The following NELL2 variants were observed in gnomAD, a reference collection of about 807,000 sequenced individuals.
The protein encoded by NELL2 is protein kinase C-binding protein NELL2.
A neutral mutation model predicts 109.6 loss-of-function variants in NELL2; 41 were observed. That is an observed-to-expected ratio of 0.37 (90% CI 0.29 to 0.49). The LOEUF is 0.49. NELL2 is among the 20% of genes least tolerant of loss of function. The probability of loss-of-function intolerance (pLI) is 0.98; values close to 1 mark genes in which losing one functional copy is unlikely to be tolerated. For missense variants in NELL2, 900 were observed against 1,008.3 expected (o/e 0.89, Z 1.45); for synonymous variants, 355 against 344.7 (o/e 1.03, Z -0.33).
At chr12:44,617,003 G>A (rs969558702) in intron 13 of NELL2, among the ~76,000 whole-genome samples, 10 of 152,118 alleles carry the variant, frequency 6.6e-5, no homozygotes, top group African/African-American at 2.4e-4. Flanking sequence ...TACAAGCTGA[G>A]TTTAAAGAAT....
At chr12:44,721,390 C>T (rs1248003189) in intron 9 of NELL2, among the ~76,000 whole-genome samples, 1 of 152,120 alleles carries the variant, frequency 6.6e-6, no homozygotes, top group Non-Finnish European at 1.5e-5. Flanking sequence ...TGTGTCAATA[C>T]TTAAATACTA....
chr12:44,776,273 A>C, intron 7 of NELL2, 123 bp from the exon 8 acceptor site: 1 of 829,774 alleles, frequency 1.2e-6, no homozygotes, highest in Non-Finnish European at 1.8e-6. Context: ...CTTATCAACC[A>C]CTTGCCATAA....
rs1438447124 is a variant in NELL2 at position 44,618,674 on chromosome 12, C to A, written c.1445-7704G>T. Among the ~76,000 whole-genome samples, 5 of 152,144 alleles carry A rather than the reference C, an allele frequency of 3.3e-5. No individual in the cohort carries two copies. In the South Asian group the frequency reaches 8.3e-4, roughly 25 times the overall value. On this transcript the variant is annotated intron_variant, in intron 13 of 19. Coordinates refer to ENST00000429094, the MANE Select transcript of NELL2 (RefSeq NM_001145108.2). ...AGTGCAAAGATGGATAATCTGAGAT[C>A]TGTGACCCCAAGGAACTTCTTAATT...
intron 15 of NELL2, among the ~76,000 whole-genome samples, chr12:44,555,940 C>A (rs1431583428): frequency 6.6e-6 from 1 of 152,292 alleles, no homozygotes. Flanking sequence ...GGCTCACAGG[C>A]TTTAGGTACA....
intron 13 of NELL2, among the ~76,000 whole-genome samples, chr12:44,624,291 A>T (rs61932363): frequency 0.12 from 17,853 of 151,996 alleles, 1,245 homozygotes; most frequent in East Asian, 0.2. Context: ...ACCTCTCTCC[A>T]ATTTATTCAT....
intron 15 of NELL2, among the ~76,000 whole-genome samples, chr12:44,540,808 C>T (rs1261037156): frequency 7.1e-5 from 2 of 28,008 alleles, no homozygotes; most frequent in African/African-American, 9.7e-5. Flanking sequence ...AGCCCATCCT[C>T]ATATCAAAGC....
intron 13 of NELL2, among the ~76,000 whole-genome samples, chr12:44,624,996 G>GTATATATATATA (rs3072882): frequency 1.4e-5 from 1 of 71,126 alleles, no homozygotes; most frequent in South Asian, 3.5e-4. Flanking sequence ...ATATGTGTGT[G>GTATATATATATA]TATATATATA....
intron 13 of NELL2, among the ~76,000 whole-genome samples, chr12:44,620,152 GA>G (rs1946000169): frequency 1.4e-5 from 2 of 147,514 alleles, no homozygotes; most frequent in Non-Finnish European, 3.0e-5. Flanking sequence ...CAAAGAAGAA[GA>G]TAGAAGTAAA....
intron 16 of NELL2, among the ~76,000 whole-genome samples, chr12:44,527,718 G>A (rs753286794): frequency 6.6e-6 from 1 of 151,984 alleles, no homozygotes; most frequent in Admixed American, 6.5e-5. Context: ...TACACATCAC[G>A]GAAATCGCAG....
At chr12:44,772,969 A>G (rs963803180) in intron 9 of NELL2, among the ~76,000 whole-genome samples, 34 of 152,346 alleles carry the variant, frequency 2.2e-4, no homozygotes, top group African/African-American at 7.9e-4. Flanking sequence ...TTTATTGGGA[A>G]GAATTCAAGC....
intron 1 of NELL2, among the ~76,000 whole-genome samples, chr12:44,898,893 CA>C (rs140768349): frequency 0.074 from 11,309 of 152,100 alleles, 542 homozygotes; most frequent in Admixed American, 0.12. Flanking sequence ...CTAGAATAAG[CA>C]GTTGAGAGAA....
At chr12:44,918,262 C>G (rs1945843204), upstream of NELL2, among the ~76,000 whole-genome samples, 2 of 152,050 alleles carry the variant, frequency 1.3e-5, no homozygotes, top group Admixed American at 6.6e-5. Context: ...GTGTTAATCT[C>G]ACATTTAGGG....
At chr12:44,679,758 C>G (rs1454762840) in intron 12 of NELL2, among the ~76,000 whole-genome samples, 4 of 152,098 alleles carry the variant, frequency 2.6e-5, no homozygotes, top group African/African-American at 7.2e-5. Flanking sequence ...ATTTCCAGAA[C>G]ATGTCTTGCC....
chr12:44,770,968 A>C (rs1366784809), intron 9 of NELL2, among the ~76,000 whole-genome samples: 1 of 152,246 alleles, frequency 6.6e-6, no homozygotes, highest in African/African-American at 2.4e-5. Context: ...AGTGACTTTC[A>C]GTAACATTTG....
chr12:44,537,457 C>CT (rs894646212), intron 15 of NELL2, among the ~76,000 whole-genome samples: 14 of 151,986 alleles, frequency 9.2e-5, no homozygotes, highest in Admixed American at 4.6e-4. Flanking sequence ...AAATCCATCT[C>CT]TTTTTTTTGG....
intron 15 of NELL2, among the ~76,000 whole-genome samples, chr12:44,590,938 A>G (rs1944722481): frequency 6.6e-6 from 1 of 152,130 alleles, no homozygotes; most frequent in South Asian, 2.1e-4. Context: ...AAAAAACCAA[A>G]TACTCCAAGA....
intron 3 of NELL2, among the ~76,000 whole-genome samples, chr12:44,811,337 T>TAAAAAAA (rs10683929): frequency 2.3e-3 from 239 of 102,874 alleles, no homozygotes; most frequent in East Asian, 3.1e-3. Flanking sequence ...GAACTAAAAG[T>TAAAAAAA]AAAAAAAAAA....
chr12:44,509,058 T>A, intron 19 of NELL2, 74 bp from the exon 20 acceptor site: 1 of 1,236,576 alleles, frequency 8.1e-7, no homozygotes, highest in Non-Finnish European at 1.2e-6. Context: ...ATTTATTGAT[T>A]GGTACTTACA....
intron 3 of NELL2, among the ~76,000 whole-genome samples, chr12:44,780,988 G>A (rs1941937710): frequency 6.6e-6 from 1 of 151,914 alleles, no homozygotes; most frequent in Admixed American, 6.6e-5. Context: ...ACATGTCCAG[G>A]TTTCAGTAAA....
Sources: allele counts gnomAD v4.1 joint callset (sites outside exome capture counted in the v4.1 genomes callset), GRCh38; gene constraint gnomAD v4.1.1; transcripts MANE v1.5; gene names NCBI Gene and HGNC (gene_info 2026-07-23, HGNC 2026-07-21).